The following GPRIN3 variants were observed in gnomAD, a reference collection of about 807,000 sequenced individuals.
GPRIN3 encodes the protein GPRIN family member 3.
Under a neutral mutation model 13.7 loss-of-function variants are expected in GPRIN3, and 12 were observed. The observed-to-expected ratio is 0.87, with a 90% confidence interval of 0.56 to 1.42. GPRIN3 has a LOEUF of 1.42. Among genes scored for constraint, GPRIN3 ranks in the 40% most tolerant of loss-of-function variants. The probability of loss-of-function intolerance (pLI) is 0.00; values close to 1 mark genes in which losing one functional copy is unlikely to be tolerated. For synonymous variants in GPRIN3, 377 were observed against 372.7 expected (o/e 1.01, Z -0.13); for missense variants, 1,009 against 958.7 (o/e 1.05, Z -0.69).
chr4:89,256,936 C>A (rs1018001675), intron 1 of GPRIN3, among the ~76,000 whole-genome samples: 1 of 152,204 alleles, frequency 6.6e-6, no homozygotes, highest in Non-Finnish European at 1.5e-5. Context: ...CTGAACCCAG[C>A]AGATTCTGCC....
At chr4:89,300,251 C>T (rs934891384) in intron 1 of GPRIN3, among the ~76,000 whole-genome samples, 21 of 152,044 alleles carry the variant, frequency 1.4e-4, no homozygotes, top group African/African-American at 4.8e-4. Context: ...CTAAGTAGTC[C>T]AGACTTTACA....
intron 1 of GPRIN3, among the ~76,000 whole-genome samples, chr4:89,267,795 A>C (rs1723821317): frequency 6.6e-6 from 1 of 152,180 alleles, no homozygotes; most frequent in South Asian, 2.1e-4. Flanking sequence ...TACAGGAGGG[A>C]GGACATTAGA....
chr4:89,295,557 A>T (rs1481406415), intron 1 of GPRIN3, among the ~76,000 whole-genome samples: 1 of 152,084 alleles, frequency 6.6e-6, no homozygotes, highest in Non-Finnish European at 1.5e-5. Context: ...GAAGAGGGGG[A>T]GATAACAAGG....
intron 1 of GPRIN3, among the ~76,000 whole-genome samples, chr4:89,266,143 C>CCTTGGA: frequency 6.6e-6 from 1 of 152,302 alleles, no homozygotes; most frequent in Admixed American, 6.5e-5. Context: ...CCCTTTGAGC[C>CCTTGGA]AGTGATTCTA....
intron 1 of GPRIN3, among the ~76,000 whole-genome samples, chr4:89,305,718 G>C (rs1725015850): frequency 6.6e-6 from 1 of 152,196 alleles, no homozygotes; most frequent in South Asian, 2.1e-4. Flanking sequence ...TAAGTATGTT[G>C]AGGCATAATT....
chr4:89,247,646 T>C lies in GPRIN3; in HGVS notation c.*134A>G. 1 of 815,886 alleles carries C rather than the reference T, an allele frequency of 1.2e-6. No homozygotes were observed. The highest frequency in any genetic ancestry group is 3.2e-5 in the Admixed American group (1 of 31,672). 50.5% of individuals were successfully genotyped at this position (815,886 alleles called of 1,614,324 possible). On this transcript the variant is annotated 3_prime_UTR_variant, in exon 2 of 2. Coordinates refer to ENST00000609438, the MANE Select transcript of GPRIN3 (RefSeq NM_198281.3). The stretch of plus-strand genomic sequence containing the variant: ...TCCAGGTCAAAGGATCTAACAATTT[T>C]TAATAGCAATTTCCTATAGTGAATA...
chr4:89,248,443 G>A lies in GPRIN3; in HGVS notation c.1668C>T (p.Thr556=), dbSNP rs767649789. The A allele has an allele frequency of 6.2e-6, 10 of 1,614,054 alleles. No individual in the cohort carries two copies. The highest frequency in any genetic ancestry group is 3.3e-5 in the Admixed American group (2 of 60,016). Residue 556 remains threonine, a synonymous_variant, in exon 2 of 2, where the codon ACC becomes ACT. Coordinates refer to ENST00000609438, the MANE Select transcript of GPRIN3 (RefSeq NM_198281.3). ...TGAGCAGTAGGGTTTTGGCATCCGAGGTATCAGTGCCAGTAGACTCTTTTT... is the reference window on the plus strand; with the variant it reads ...TGAGCAGTAGGGTTTTGGCATCCGAAGTATCAGTGCCAGTAGACTCTTTTT... ...VKEKESTGTD[T]SDAKTLLLNP...
At chr4:89,269,379 C>T (rs1261373449) in intron 1 of GPRIN3, among the ~76,000 whole-genome samples, 3 of 152,116 alleles carry the variant, frequency 2.0e-5, no homozygotes, top group African/African-American at 7.2e-5. Flanking sequence ...CTAAACTTCT[C>T]TTTCAGGGCA....
Position 89,247,967 on chromosome 4 carries a change from C to T in GPRIN3, c.2144G>A (p.Arg715Lys), listed in dbSNP as rs781359861. The T allele has an allele frequency of 1.9e-6, 3 of 1,614,056 alleles. No homozygotes were observed. The highest frequency in any genetic ancestry group is 1.7e-5 in the Admixed American group (1 of 60,004). The change falls in exon 2 of 2, where the codon AGA becomes AAA. Residue 715 changes from arginine (R) to lysine (K), a missense_variant. Coordinates refer to ENST00000609438, the MANE Select transcript of GPRIN3 (RefSeq NM_198281.3). ...TAATTTCTCATGTTCCCTGATTTGT[C>T]TTTGCAAATGGTTCTGGATCGCGAT... Reference protein sequence around the residue: ...LGIAIQNHLQRQIREHEKLIK... With the variant: ...LGIAIQNHLQKQIREHEKLIK...
At chr4:89,255,736 T>C (rs185613815) in intron 1 of GPRIN3, among the ~76,000 whole-genome samples, 8 of 152,304 alleles carry the variant, frequency 5.3e-5, no homozygotes, top group Admixed American at 5.2e-4. Flanking sequence ...TTAGCAAGGT[T>C]CTTGCTAAAA....
At chr4:89,270,497 C>T (rs1160038938) in intron 1 of GPRIN3, among the ~76,000 whole-genome samples, 1 of 142,194 alleles carries the variant, frequency 7.0e-6, no homozygotes, top group African/African-American at 2.6e-5. Context: ...CCATATTTGG[C>T]ATTTTAATTT....
chr4:89,254,736 A>G (rs927431001), intron 1 of GPRIN3, among the ~76,000 whole-genome samples: 1 of 152,206 alleles, frequency 6.6e-6, no homozygotes, highest in African/African-American at 2.4e-5. Flanking sequence ...CCTTTGGAAT[A>G]TACACCATAA....
chr4:89,252,825 A>C (rs915725685), intron 1 of GPRIN3, among the ~76,000 whole-genome samples: 1 of 152,062 alleles, frequency 6.6e-6, no homozygotes, highest in Non-Finnish European at 1.5e-5. Context: ...TTCTGTTGCA[A>C]AATCACTTGC....
chr4:89,248,294 C>A lies in GPRIN3; in HGVS notation c.1817G>T (p.Ser606Ile), dbSNP rs1323331154. 6.2e-7 allele frequency: 1 copy of A among 1,614,036 alleles called. No homozygotes were observed. Among genetic ancestry groups the A allele is most frequent in the Non-Finnish European group, 8.5e-7 (1 of 1,180,036 alleles). The stretch of plus-strand genomic sequence containing the variant: ...GTCACCCATGGGATCAGATGGCAGG[C>A]TCAGGCTGGTGGCTGTCTTGGTCTG... ...NRQTKTATSL[S>I]LPSDPMGDSS... The change falls in exon 2 of 2, where the codon AGC (serine) becomes ATC (isoleucine). Residue 606 changes from serine to isoleucine, a missense_variant. Coordinates refer to ENST00000609438, the MANE Select transcript of GPRIN3 (RefSeq NM_198281.3).
At chr4:89,254,759 G>A (rs1723423073) in intron 1 of GPRIN3, among the ~76,000 whole-genome samples, 1 of 152,174 alleles carries the variant, frequency 6.6e-6, no homozygotes, top group Non-Finnish European at 1.5e-5. Context: ...GAATTGCTGG[G>A]TTGAATGGTA....
intron 1 of GPRIN3, among the ~76,000 whole-genome samples, chr4:89,306,731 CT>C (rs1725043508): frequency 6.6e-6 from 1 of 152,172 alleles, no homozygotes; most frequent in South Asian, 2.1e-4. Flanking sequence ...TTCACATCGT[CT>C]TAACCTTGAA....
chr4:89,263,356 A>C (rs1723691338), intron 1 of GPRIN3, among the ~76,000 whole-genome samples: 2 of 152,118 alleles, frequency 1.3e-5, no homozygotes, highest in South Asian at 4.2e-4. Context: ...TGAGATAGCC[A>C]GGTGGGAGGG....
At chr4:89,292,928 G>T (rs918097461) in intron 1 of GPRIN3, among the ~76,000 whole-genome samples, 3 of 152,192 alleles carry the variant, frequency 2.0e-5, no homozygotes, top group Non-Finnish European at 4.4e-5. Context: ...CCAGCCACAT[G>T]GGAGTTAATC....
intron 1 of GPRIN3, among the ~76,000 whole-genome samples, chr4:89,292,736 C>T (rs1578112187): frequency 6.6e-6 from 1 of 152,204 alleles, no homozygotes; most frequent in Non-Finnish European, 1.5e-5. Context: ...ATTACACATG[C>T]TTACAAGCAA....
Sources: allele counts gnomAD v4.1 joint callset (sites outside exome capture counted in the v4.1 genomes callset), GRCh38; gene constraint gnomAD v4.1.1; transcripts MANE v1.5; gene names NCBI Gene and HGNC (gene_info 2026-07-23, HGNC 2026-07-21).